Variants in TGM7 observed in about 807,000 individuals in gnomAD.
TGM7 encodes the protein transglutaminase 7, also known as protein-glutamine gamma-glutamyltransferase Z.
In TGM7, 74 loss-of-function variants were observed where a neutral mutation model predicts 79.5. The ratio of observed to expected loss-of-function variants is 0.93; its 90% CI spans 0.77 to 1.13. The LOEUF is 1.13. Ranked by LOEUF, TGM7 falls within the 50% of genes most tolerant of loss-of-function variation. The probability of loss-of-function intolerance (pLI) is 0.00; values close to 1 mark genes in which losing one functional copy is unlikely to be tolerated. For synonymous variants in TGM7, 354 were observed against 362.5 expected (o/e 0.98, Z 0.27); for missense variants, 912 against 905.9 (o/e 1.01, Z -0.09).
chr15:43,282,789 G>A (rs764281374), intron 7 of TGM7, among the ~76,000 whole-genome samples, 169 bp from the exon 8 acceptor site: 2 of 152,146 alleles, frequency 1.3e-5, no homozygotes, highest in Non-Finnish European at 2.9e-5. Flanking sequence ...GGTGACTCAC[G>A]CCTGTAATCC....
intron 11 of TGM7, 108 bp downstream of exon 11, chr15:43,279,009 A>G (rs1201479278): frequency 7.4e-6 from 9 of 1,219,040 alleles, no homozygotes; most frequent in Middle Eastern, 2.9e-4. Flanking sequence ...TGCTGGAGCC[A>G]TCGGTGTGGT....
Position 43,292,732 on chromosome 15 carries a change from A to C in TGM7, c.416T>G (p.Leu139Arg), listed in dbSNP as rs773551176. Residue 139 changes from leucine (L) to arginine (R), a missense_variant, in exon 3 of 13, where the codon CTA becomes CGA. Physicochemically the swap from Leu to Arg is moderately radical, Grantham distance 102 (BLOSUM62 -2). Coordinates refer to ENST00000452443, the MANE Select transcript of TGM7 (RefSeq NM_052955.3). Reference protein sequence around the residue: ...SVTYPLGTFILLFNPWSPEDD... With the variant: ...SVTYPLGTFIRLFNPWSPEDD... ...ACCTGGACTCCAAGGGTTAAAAAGT[A>C]GGATGAAAGTTCCCAGCGGGTAAGT... 1.9e-6 allele frequency: 3 copies of C among 1,614,062 alleles called. No homozygotes were observed. Among genetic ancestry groups the C allele is most frequent in the African/African-American group, 2.7e-5 (2 of 74,950 alleles).
intron 7 of TGM7, among the ~76,000 whole-genome samples, chr15:43,283,138 G>A (rs2042917960): frequency 1.3e-5 from 2 of 151,940 alleles, no homozygotes; most frequent in Middle Eastern, 3.2e-3. Flanking sequence ...CTTTCTTTCA[G>A]TGTGGACAGG....
chr15:43,286,258 G>A (rs989329881), intron 6 of TGM7, among the ~76,000 whole-genome samples: 4 of 152,304 alleles, frequency 2.6e-5, no homozygotes, highest in Admixed American at 2.6e-4. Context: ...GTGCGCAGTG[G>A]CCCTGTAACT....
At chr15:43,293,319 G>C in intron 2 of TGM7, 130 bp downstream of exon 2, 1 of 1,209,556 alleles carries the variant, frequency 8.3e-7, no homozygotes, top group Non-Finnish European at 1.1e-6. Context: ...TGAGCATGAG[G>C]GGTCTGGGGC....
intron 4 of TGM7, 143 bp from the exon 5 acceptor site, chr15:43,287,812 C>T (rs2042943800): frequency 6.4e-6 from 6 of 936,822 alleles, no homozygotes; most frequent in Non-Finnish European, 9.4e-6. Flanking sequence ...AGACAAGTTC[C>T]TGCCTTTGAA....
At chr15:43,282,111 A>G (rs754915324) in intron 8 of TGM7, 25 bp from the exon 9 acceptor site, 2 of 1,610,384 alleles carry the variant, frequency 1.2e-6, no homozygotes, top group South Asian at 1.1e-5. Context: ...GGCTACTGAT[A>G]TGGGGGCCAG....
intron 6 of TGM7, among the ~76,000 whole-genome samples, chr15:43,285,761 A>G (rs1328104901): frequency 6.6e-6 from 1 of 152,140 alleles, no homozygotes; most frequent in Non-Finnish European, 1.5e-5. Flanking sequence ...GCTTCTCATG[A>G]TACTGCTACA....
chr15:43,296,080 G>A (rs943630013), intron 1 of TGM7, among the ~76,000 whole-genome samples: 1 of 152,172 alleles, frequency 6.6e-6, no homozygotes, highest in African/African-American at 2.4e-5. Context: ...GGAAGAACAA[G>A]GACAATTTTA....
chr15:43,277,730 C>A (rs555263603), intron 11 of TGM7, among the ~76,000 whole-genome samples: 1 of 152,264 alleles, frequency 6.6e-6, no homozygotes, highest in South Asian at 2.1e-4. Context: ...TATCAGTAAG[C>A]ACGTGTTGAA....
At position 43,293,547 on chromosome 15, in the gene TGM7, C is replaced by G; in HGVS notation, c.95G>C (p.Arg32Pro). The G allele has an allele frequency of 1.9e-6, 3 of 1,609,340 alleles. No individual in the cohort carries two copies. The highest frequency in any genetic ancestry group is 2.5e-6 in the Non-Finnish European group (3 of 1,178,380). ...GGGCTGGCCGCGGCGCACAGTGAGC[C>G]GCTTGACGCCCATCTCCTGCGTGTG... ...EHHTQEMGVK[R>P]LTVRRGQPFY... Residue 32 changes from arginine to proline, a missense_variant, in exon 2 of 13, where the codon CGG (arginine) becomes CCG (proline). By Grantham distance (103) the Arg-to-Pro change is moderately radical (BLOSUM62 -2). Transcript: ENST00000452443.
At chr15:43,280,360 A>T (rs1480685112) in intron 9 of TGM7, among the ~76,000 whole-genome samples, 1 of 152,184 alleles carries the variant, frequency 6.6e-6, no homozygotes, top group Non-Finnish European at 1.5e-5. Flanking sequence ...GCAGTGGCTC[A>T]CACCTGTAAT....
chr15:43,288,648 A>C (rs2042949064), intron 4 of TGM7, among the ~76,000 whole-genome samples: 1 of 152,180 alleles, frequency 6.6e-6, no homozygotes. Flanking sequence ...TTGCTTAAAA[A>C]AAAATTTGCC....
In TGM7 at chr15:43,279,771, C is replaced by T. The variant is rs776705863; in HGVS notation, c.1532G>A (p.Arg511His). 3.0e-5 allele frequency: 48 copies of T among 1,613,962 alleles called. No homozygotes were observed. The highest frequency in any genetic ancestry group is 3.0e-4 in the South Asian group (27 of 91,094). The change falls in exon 10 of 13, where the codon CGT becomes CAT. Residue 511 changes from arginine to histidine, a missense_variant. Coordinates refer to ENST00000452443, the MANE Select transcript of TGM7 (RefSeq NM_052955.3). ...EWGQDLQLLL[R>H]IQRVPDSTHP... ...GGTGCTGTCTGGCACCCTCTGGATACGCAGCAGCAGCTGCAGGTCCTGGCC... is the reference window on the plus strand; with the variant it reads ...GGTGCTGTCTGGCACCCTCTGGATATGCAGCAGCAGCTGCAGGTCCTGGCC...
At chr15:43,293,871 T>G (rs1483518820) in intron 1 of TGM7, among the ~76,000 whole-genome samples, 18 of 8,666 alleles carry the variant, frequency 2.1e-3, no homozygotes, top group East Asian at 3.8e-3. Flanking sequence ...CTGGGGAGGG[T>G]GGGGTGTGCG....
In TGM7 at chr15:43,276,347, C is replaced by T. The variant is rs1687851064; in HGVS notation, c.*108G>A. ...GTTTCTAACAGAGCTTCATTCATTC[C>T]CAGGCAGGCTAGAGAGAGGACAGAG... On this transcript the variant is annotated 3_prime_UTR_variant, in exon 13 of 13. Transcript: ENST00000452443. 6 of 1,305,388 alleles carry T rather than the reference C, an allele frequency of 4.6e-6. No individual in the cohort carries two copies. The allele number at this position is 1,305,388 out of a possible 1,614,324, so 80.9% of individuals were successfully genotyped here. A position where few individuals can be genotyped will look rare whatever the true frequency, so the allele number is the denominator to read the frequency against.
In TGM7 at chr15:43,279,687, C is replaced by G. The variant is rs1306379220; in HGVS notation, c.1616G>C (p.Gly539Ala). The change falls in exon 10 of 13, where the codon GGG becomes GCG. Residue 539 changes from glycine to alanine, a missense_variant. Gly to Ala is a moderately conservative substitution (Grantham distance 60, BLOSUM62 0). Coordinates refer to ENST00000452443, the MANE Select transcript of TGM7 (RefSeq NM_052955.3). ...VRFCAQALLH[G>A]GGTQKPFWRH... ...CCAGAAGGGCTTCTGGGTACCACCC[C>G]CATGCAGCAGGGCCTGTGCACAGAA... 6.2e-7 allele frequency: 1 copy of G among 1,613,384 alleles called. No individual in the cohort carries two copies. The highest frequency in any genetic ancestry group is 8.5e-7 in the Non-Finnish European group (1 of 1,179,766).
At chr15:43,282,234 T>TCTG (rs2042913331) in intron 8 of TGM7, 148 bp from the exon 9 acceptor site, 2 of 1,230,398 alleles carry the variant, frequency 1.6e-6, no homozygotes, top group African/African-American at 3.0e-5. Flanking sequence ...CATTAATTCA[T>TCTG]CTGACCCTCA....
chr15:43,300,996 G>A (rs2043022734), intron 1 of TGM7, among the ~76,000 whole-genome samples: 1 of 151,942 alleles, frequency 6.6e-6, no homozygotes, highest in South Asian at 2.1e-4. Flanking sequence ...TTTTGTGTTT[G>A]TTTGAGACAG....
Sources: allele counts gnomAD v4.1 joint callset (sites outside exome capture counted in the v4.1 genomes callset), GRCh38; gene constraint gnomAD v4.1.1; transcripts MANE v1.5; gene names NCBI Gene and HGNC (gene_info 2026-07-23, HGNC 2026-07-21).